LCA5: variants seen among roughly 807,000 people sequenced by gnomAD.
LCA5 encodes the protein lebercilin LCA5.
LCA5 carries 37 observed loss-of-function variants against 53.0 expected under a neutral mutation model. The ratio of observed to expected loss-of-function variants is 0.70; its 90% CI spans 0.54 to 0.92. The LOEUF is 0.92. Ranked by LOEUF, LCA5 falls within the 40% of genes least tolerant of loss-of-function variation. The pLI is 0.00. For synonymous variants in LCA5, 303 were observed against 282.9 expected (o/e 1.07, Z -0.71); for missense variants, 806 against 790.5 (o/e 1.02, Z -0.23).
chr6:79,488,891 A>G (rs1769753196), intron 7 of LCA5, 193 bp downstream of exon 7: 1 of 642,128 alleles, frequency 1.6e-6, no homozygotes, highest in South Asian at 2.0e-5. Flanking sequence ...AGAGTGTTCA[A>G]TTTTTTTCTT....
intron 3 of LCA5, among the ~76,000 whole-genome samples, chr6:79,499,946 G>C (rs1297257254): frequency 1.3e-5 from 2 of 150,618 alleles, no homozygotes; most frequent in African/African-American, 4.9e-5. Flanking sequence ...AATATGCGGT[G>C]TTTGGTTTTT....
In LCA5 at chr6:79,513,290, G is replaced by A. The variant is rs541395332; in HGVS notation, c.642C>T (p.His214=). The A allele has an allele frequency of 1.3e-4, 211 of 1,613,498 alleles. 5 individuals carry two copies. In the South Asian group the frequency reaches 2.2e-3, roughly 17 times the overall value. Residue 214 remains histidine (H), a synonymous_variant, in exon 3 of 8, where the codon CAC becomes CAT. Coordinates refer to ENST00000369846, the MANE Select transcript of LCA5 (RefSeq NM_001122769.3). ...QKLKEISEAR[H]LPERDDLAKK... The stretch of plus-strand genomic sequence containing the variant: ...TTGCCAAATCATCTCGTTCAGGTAG[G>A]TGTCTAGCTTCAGAGATCTCTTTCA...
At chr6:79,504,223 T>C (rs1312760827) in intron 3 of LCA5, among the ~76,000 whole-genome samples, 1 of 152,236 alleles carries the variant, frequency 6.6e-6, no homozygotes, top group African/African-American at 2.4e-5. Flanking sequence ...TCTTCCAGCC[T>C]TTTTCCATTA....
intron 3 of LCA5, among the ~76,000 whole-genome samples, chr6:79,510,368 T>C (rs960835517): frequency 1.3e-5 from 2 of 152,186 alleles, no homozygotes; most frequent in African/African-American, 4.8e-5. Context: ...AAATGAATCA[T>C]GGACTTAAGT....
chr6:79,488,126 A>AT, intron 7 of LCA5: 1 of 422,472 alleles, frequency 2.4e-6, no homozygotes, highest in South Asian at 3.1e-5. Context: ...TTCTTTGCCT[A>AT]TTTTTTATAA....
chr6:79,493,795 A>G, intron 3 of LCA5, 45 bp from the exon 4 acceptor site: 2 of 1,456,806 alleles, frequency 1.4e-6, no homozygotes, highest in Admixed American at 1.9e-5. Context: ...AAAAAATTCC[A>G]ACAATGAAAC....
rs1562092375 is a variant in LCA5, at chr6:79,487,021, C to T, written c.2077G>A (p.Glu693Lys). ...AADSVEDEIE[E>K]VALR ...CTAGTCAGTCATCTCAGTGCTACTT[C>T]TTCAATTTCATCTTCTACAGAATCA... The change falls in exon 8 of 8, where the codon GAA becomes AAA. Residue 693 changes from glutamate (E) to lysine (K), a missense_variant. By Grantham distance (56) the Glu-to-Lys change is moderately conservative. Transcript: ENST00000369846. The T allele has an allele frequency of 1.2e-6, 2 of 1,613,282 alleles. No individual in the cohort carries two copies. Among genetic ancestry groups the T allele is most frequent in the South Asian group, 1.1e-5 (1 of 91,048 alleles).
chr6:79,508,116 C>G (rs1004572269), intron 3 of LCA5, among the ~76,000 whole-genome samples: 1 of 152,150 alleles, frequency 6.6e-6, no homozygotes, highest in Admixed American at 6.5e-5. Context: ...AGTATACACA[C>G]TGAGGTAACT....
rs546525798 is a variant in LCA5 at position 79,489,771 on chromosome 6, T to C, written c.1099-555A>G. Among the ~76,000 whole-genome samples, 38 of 152,252 alleles carry C rather than the reference T, an allele frequency of 2.5e-4. No homozygotes were observed. The Middle Eastern group carries it at 0.01, about 41-fold the overall frequency. ...TTAATAAAAGTGAAATATCTATTAT[T>C]AGTAAAGACTTGTCTAGTATCCATT... On this transcript the variant is annotated intron_variant, in intron 6 of 7. Coordinates refer to ENST00000369846, the MANE Select transcript of LCA5 (RefSeq NM_001122769.3).
At chr6:79,538,343 C>G (rs898468435), upstream of LCA5, among the ~76,000 whole-genome samples, 4 of 152,214 alleles carry the variant, frequency 2.6e-5, no homozygotes, top group African/African-American at 9.6e-5. Flanking sequence ...ATTGGTAATT[C>G]CTGCTTCTCG....
At position 79,487,536 on chromosome 6, in the gene LCA5, C is replaced by T; in HGVS notation, c.1562G>A (p.Gly521Glu). ...GAAACTGATGTCTTGCAAATGATGCCCATTAAATAATCTCTCTGAGGATTC... is the reference window on the plus strand; with the variant it reads ...GAAACTGATGTCTTGCAAATGATGCTCATTAAATAATCTCTCTGAGGATTC... ...FSESSERLFN[G>E]HHLQDISFST... The change falls in exon 8 of 8, where the codon GGG (glycine) becomes GAG (glutamate). Residue 521 changes from glycine (G) to glutamate (E), a missense_variant. Coordinates refer to ENST00000369846, the MANE Select transcript of LCA5 (RefSeq NM_001122769.3). 2 of 1,613,932 alleles carry T rather than the reference C, an allele frequency of 1.2e-6. No homozygotes were observed. The highest frequency in any genetic ancestry group is 1.7e-6 in the Non-Finnish European group (2 of 1,179,902).
At chr6:79,531,986 A>G (rs1001035573) in intron 1 of LCA5, among the ~76,000 whole-genome samples, 14 of 152,256 alleles carry the variant, frequency 9.2e-5, no homozygotes, top group Middle Eastern at 3.4e-3. Flanking sequence ...CTATTTGGAT[A>G]TCTAAAAATC....
intron 3 of LCA5, among the ~76,000 whole-genome samples, chr6:79,502,907 G>C (rs758235692): frequency 6.6e-4 from 100 of 152,086 alleles, no homozygotes; most frequent in Non-Finnish European, 1.1e-3. Context: ...TTGAGACAGA[G>C]TCTCACTCTG....
rs773144546 is a variant in LCA5, at chr6:79,518,711, G to C, written c.184C>G (p.His62Asp). The C allele has an allele frequency of 2.7e-5, 44 of 1,614,036 alleles. No individual in the cohort carries two copies. Among genetic ancestry groups the C allele is most frequent in the Non-Finnish European group, 3.7e-5 (44 of 1,179,922 alleles). ...TCTTTTAAAGAATGCTTACCTTGGT[G>C]ATGTACTTGGCCATCTGAAGTTTGT... ...KRQTSDGQVH[H>D]QAPRKPSPKG... The change falls in exon 2 of 8, where the codon CAC becomes GAC. Residue 62 changes from histidine to aspartate, a missense_variant. By Grantham distance (81) the His-to-Asp change is moderately conservative. Coordinates refer to ENST00000369846, the MANE Select transcript of LCA5 (RefSeq NM_001122769.3).
chr6:79,521,063 G>T (rs1766609906), intron 1 of LCA5, among the ~76,000 whole-genome samples: 1 of 152,104 alleles, frequency 6.6e-6, no homozygotes, highest in Admixed American at 6.5e-5. Context: ...GATGTTGCTG[G>T]TGTAACTGAA....
intron 3 of LCA5, among the ~76,000 whole-genome samples, chr6:79,506,674 G>A (rs1422781964): frequency 6.6e-6 from 1 of 152,206 alleles, no homozygotes; most frequent in African/African-American, 2.4e-5. Context: ...TGTTAAGTCA[G>A]TGATTCATAA....
At chr6:79,526,445 G>A (rs1208689594) in intron 1 of LCA5, among the ~76,000 whole-genome samples, 1 of 152,198 alleles carries the variant, frequency 6.6e-6, no homozygotes, top group African/African-American at 2.4e-5. Flanking sequence ...TTGGGAGGCT[G>A]AGGCAGGAGA....
intron 1 of LCA5, among the ~76,000 whole-genome samples, chr6:79,530,117 T>C (rs1007398821): frequency 2.0e-5 from 3 of 151,940 alleles, no homozygotes; most frequent in Admixed American, 6.6e-5. Context: ...AAAATATATA[T>C]ATATAAACAA....
intron 7 of LCA5, 81 bp from the exon 8 acceptor site, chr6:79,487,947 C>A: frequency 9.3e-7 from 1 of 1,071,588 alleles, no homozygotes; most frequent in Admixed American, 2.4e-5. Context: ...TTTCATAAAA[C>A]CACCATATTT....
Sources: gnomAD v4.1 joint callset for allele counts (sites outside exome capture counted in the v4.1 genomes callset) on GRCh38, gnomAD v4.1.1 for gene constraint, MANE v1.5 for transcripts, NCBI Gene and HGNC (gene_info 2026-07-23, HGNC 2026-07-21) for gene names.